LINGO1: variants seen among roughly 807,000 people sequenced by gnomAD.
LINGO1 encodes leucine rich repeat and Ig domain containing 1.
A neutral mutation model predicts 37.3 loss-of-function variants in LINGO1; 11 were observed. That is an observed-to-expected ratio of 0.29 (90% CI 0.19 to 0.49). The LOEUF is 0.49. Ranked by LOEUF, LINGO1 falls within the 20% of genes least tolerant of loss-of-function variation. LINGO1 has a pLI of 0.99. For missense variants in LINGO1, 585 were observed against 878.2 expected (o/e 0.67, Z 4.22); for synonymous variants, 387 against 403.0 (o/e 0.96, Z 0.48).
chr15:77,808,332 C>T (rs1255727672), intron 1 of LINGO1, among the ~76,000 whole-genome samples: 1 of 152,094 alleles, frequency 6.6e-6, no homozygotes, highest in African/African-American at 2.4e-5. Flanking sequence ...AAGGCCTTTG[C>T]CCAGATACAG....
At chr15:77,767,264 C>A (rs906129003) in intron 1 of LINGO1, among the ~76,000 whole-genome samples, 2 of 152,188 alleles carry the variant, frequency 1.3e-5, no homozygotes, top group Admixed American at 1.3e-4. Context: ...GATTTCTTAA[C>A]ACCAGCACTG....
At chr15:77,724,480 G>A (rs1270317886) in intron 2 of LINGO1, among the ~76,000 whole-genome samples, 4 of 152,156 alleles carry the variant, frequency 2.6e-5, no homozygotes, top group Admixed American at 6.5e-5. Flanking sequence ...CCCCAGCTGC[G>A]CCCGTCTGTG....
At chr15:77,669,436 T>C (rs1334225743) in intron 3 of LINGO1, among the ~76,000 whole-genome samples, 1 of 152,176 alleles carries the variant, frequency 6.6e-6, no homozygotes, top group Admixed American at 6.5e-5. Context: ...TCGAGGTGTT[T>C]GTAGTCCCCT....
intron 1 of LINGO1, among the ~76,000 whole-genome samples, chr15:77,802,415 C>T (rs2076927343): frequency 6.6e-6 from 1 of 150,672 alleles, no homozygotes; most frequent in African/African-American, 2.4e-5. Context: ...GGTGTTCCCC[C>T]AAGGTGTGTG....
At chr15:77,652,684 T>C (rs573411359) in intron 3 of LINGO1, among the ~76,000 whole-genome samples, 1 of 152,224 alleles carries the variant, frequency 6.6e-6, no homozygotes, top group South Asian at 2.1e-4. Context: ...AGCTAAGTGG[T>C]TCAGGGTCCA....
chr15:77,677,815 C>T (rs1367626193), intron 2 of LINGO1, among the ~76,000 whole-genome samples: 2 of 152,028 alleles, frequency 1.3e-5, no homozygotes, highest in African/African-American at 4.8e-5. Flanking sequence ...CCCTTCCTCC[C>T]TCCTCCCTCC....
chr15:77,792,382 A>G (rs1410554383), intron 2 of LINGO1, among the ~76,000 whole-genome samples: 1 of 151,848 alleles, frequency 6.6e-6, no homozygotes, highest in Non-Finnish European at 1.5e-5. Context: ...CACCCACCCT[A>G]CAGTCCTTTC....
rs554887495 is a variant in LINGO1, at chr15:77,772,441, C to T, written c.-257+14428G>A. On this transcript the variant is annotated intron_variant, in intron 1 of 3. Transcript: ENST00000561686. ...CATCCCCGAGTGTACAGGAGCTCAG[C>T]GTGTGAGTAGGCAGACGCTGCGGCT... Among the ~76,000 whole-genome samples the T allele has an allele frequency of 2.0e-5, 3 of 152,260 alleles. No individual in the cohort carries two copies. In the East Asian group the frequency reaches 5.8e-4, roughly 29 times the overall value.
intron 3 of LINGO1, chr15:77,648,147 A>T (rs1470111111): frequency 5.9e-6 from 2 of 338,256 alleles, no homozygotes; most frequent in African/African-American, 2.2e-5. Flanking sequence ...TTTACAGATG[A>T]GGAGACTGAG....
At chr15:77,754,472 G>T (rs1000448670) in intron 1 of LINGO1, among the ~76,000 whole-genome samples, 16 of 152,224 alleles carry the variant, frequency 1.1e-4, no homozygotes, top group African/African-American at 3.9e-4. Context: ...ACTCTGATTT[G>T]CATGTATTGA....
At chr15:77,741,669 G>A (rs1015567942) in intron 1 of LINGO1, among the ~76,000 whole-genome samples, 2 of 152,200 alleles carry the variant, frequency 1.3e-5, no homozygotes, top group East Asian at 1.9e-4. Flanking sequence ...TTGTGGTTCC[G>A]CAGACAAGTA....
chr15:77,742,671 AC>A (rs1175776747), intron 1 of LINGO1, among the ~76,000 whole-genome samples: 2 of 152,200 alleles, frequency 1.3e-5, no homozygotes, highest in Non-Finnish European at 2.9e-5. Flanking sequence ...ATTCTGCAAA[AC>A]CATAACTTTC....
chr15:77,760,649 C>G (rs9972487), intron 1 of LINGO1, among the ~76,000 whole-genome samples: 1 of 152,202 alleles, frequency 6.6e-6, no homozygotes, highest in Non-Finnish European at 1.5e-5. Flanking sequence ...CCTGGGGCAT[C>G]TGAGTTTGAG....
At chr15:77,719,004 CAG>C (rs2076017679) in intron 2 of LINGO1, among the ~76,000 whole-genome samples, 1 of 150,540 alleles carries the variant, frequency 6.6e-6, no homozygotes, top group African/African-American at 2.4e-5. Context: ...GTGTCTGGGG[CAG>C]AGTGTGGACC....
intron 2 of LINGO1, among the ~76,000 whole-genome samples, chr15:77,703,764 T>TA (rs2075814441): frequency 6.6e-6 from 1 of 150,650 alleles, no homozygotes; most frequent in Admixed American, 6.6e-5. Context: ...CCCCAGCTGC[T>TA]GGTGACAGGA....
chr15:77,809,392 A>C (rs948341427), intron 1 of LINGO1, among the ~76,000 whole-genome samples: 2 of 152,308 alleles, frequency 1.3e-5, no homozygotes, highest in Middle Eastern at 3.4e-3. Flanking sequence ...CAGGCGGGTG[A>C]CCACCCTGAA....
At chr15:77,718,395 C>T (rs1363140420) in intron 2 of LINGO1, among the ~76,000 whole-genome samples, 4 of 150,932 alleles carry the variant, frequency 2.7e-5, no homozygotes, top group Admixed American at 6.6e-5. Flanking sequence ...ATGCACACAG[C>T]GCCCACATGT....
chr15:77,658,899 C>G (rs9652488), intron 3 of LINGO1, among the ~76,000 whole-genome samples: 19,369 of 152,130 alleles, frequency 0.13, 2,137 homozygotes, highest in African/African-American at 0.3. Context: ...ACAAAGGGCC[C>G]GTGGGCCCTG....
intron 1 of LINGO1, among the ~76,000 whole-genome samples, chr15:77,777,774 C>T (rs2076676304): frequency 6.6e-6 from 1 of 152,104 alleles, no homozygotes. Context: ...GTAAAACAAA[C>T]TAGCCAGGTA....
Sources: allele counts gnomAD v4.1 joint callset (sites outside exome capture counted in the v4.1 genomes callset), GRCh38; gene constraint gnomAD v4.1.1; transcripts MANE v1.5; gene names NCBI Gene and HGNC (gene_info 2026-07-23, HGNC 2026-07-21).